The following LCT variants were observed in gnomAD, a reference collection of about 807,000 sequenced individuals.
LCT encodes the protein lactase/phlorizin hydrolase.
LCT carries 90 observed loss-of-function variants against 173.0 expected under a neutral mutation model. That is an observed-to-expected ratio of 0.52 (90% CI 0.44 to 0.62). The LOEUF is 0.62. LCT is among the 20% of genes least tolerant of loss of function. LCT has a pLI of 0.00. For synonymous variants in LCT, 853 were observed against 957.6 expected (o/e 0.89, Z 2.02); for missense variants, 1,864 against 2,431.4 (o/e 0.77, Z 4.91).
intron 7 of LCT, among the ~76,000 whole-genome samples, chr2:135,811,860 CTGTT>C (rs1461654513): frequency 1.3e-5 from 2 of 151,482 alleles, no homozygotes; most frequent in African/African-American, 2.4e-5. Context: ...AGTGAGAAGA[CTGTT>C]TGAGCCCAGG....
At chr2:135,828,021 C>CTTTTAT (rs1174082401) in intron 3 of LCT, among the ~76,000 whole-genome samples, 14 of 151,942 alleles carry the variant, frequency 9.2e-5, no homozygotes, top group Non-Finnish European at 1.5e-4. Flanking sequence ...TGAGCTTGGC[C>CTTTTAT]TTTTATTTTT....
chr2:135,830,971 T>C (rs935823401), intron 2 of LCT, among the ~76,000 whole-genome samples: 2 of 152,234 alleles, frequency 1.3e-5, no homozygotes, highest in African/African-American at 4.8e-5. Context: ...TTAGAAGTGC[T>C]GTAAGAAGCC....
rs368308800 is a variant in LCT, at chr2:135,837,081, G to A, written c.89C>T (p.Ser30Phe). 8.0e-5 allele frequency: 129 copies of A among 1,613,898 alleles called. No homozygotes were observed. The highest frequency in any genetic ancestry group is 3.3e-4 in the Middle Eastern group (2 of 6,084). ...GTCATTGGTTAGAGGACCAGCGGTG[G>A]AAATGAAATTTCTATCAGACTCCCA... is the stretch of plus-strand genomic sequence containing the variant. ...SDWESDRNFI[S>F]TAGPLTNDLL... The change falls in exon 1 of 17, where the codon TCC (serine) becomes TTC (phenylalanine). Residue 30 changes from serine (S) to phenylalanine (F), a missense_variant. Around this residue, in one of 4 missense-constraint regions of LCT, gnomAD observed 412 missense variants for 462.0 expected, o/e 0.89. Transcript: ENST00000264162.
At chr2:135,799,186 GT>G (rs1447021680) in intron 12 of LCT, among the ~76,000 whole-genome samples, 1 of 152,128 alleles carries the variant, frequency 6.6e-6, no homozygotes, top group Non-Finnish European at 1.5e-5. Flanking sequence ...GACTATCTTT[GT>G]CAAGTTCTCT....
At position 135,808,993 on chromosome 2, in the gene LCT, C is replaced by T; in HGVS notation, c.3354G>A (p.Gly1118=). The change falls in exon 8 of 17, where the codon GGG becomes GGA. Residue 1118 remains glycine, a synonymous_variant. Transcript: ENST00000264162. ...YDEKYRQEQK[G]VISLSLSTHW... The stretch of plus-strand genomic sequence containing the variant: ...GTGTACTGAGGCTCAGCGAGATGAC[C>T]CCCTTCTGCTCCTGCCTGTATTTCT... 1 of 1,611,182 alleles carries T rather than the reference C, an allele frequency of 6.2e-7. No individual in the cohort carries two copies. The highest frequency in any genetic ancestry group is 8.5e-7 in the Non-Finnish European group (1 of 1,177,956).
rs1317670038 is a variant in LCT, at chr2:135,807,367, C to A, written c.3934G>T (p.Gly1312Trp). The A allele has an allele frequency of 6.2e-7, 1 of 1,614,164 alleles. No homozygotes were observed. The highest frequency in any genetic ancestry group is 1.7e-5 in the Admixed American group (1 of 60,026). Residue 1312 changes from glycine (G) to tryptophan (W), a missense_variant, in exon 9 of 17, where the codon GGG (glycine) becomes TGG (tryptophan). Physicochemically the swap from Gly to Trp is radical, Grantham distance 184. This residue lies in a region of LCT where 755 missense variants were observed against 926.3 expected (regional missense o/e 0.82). Coordinates refer to ENST00000264162, the MANE Select transcript of LCT (RefSeq NM_002299.4). ...AYRLDGIDLR[G>W]YVAWSLMDNF... ...TCCATCAGAGACCAGGCGACATACC[C>A]TCGAAGGTCTATACCATCGAGCCTG... is the stretch of plus-strand genomic sequence containing the variant.
rs1289025611 is a variant in LCT at position 135,788,360 on chromosome 2, T to G, written c.5748A>C (p.Arg1916=). 1.9e-6 allele frequency: 3 copies of G among 1,614,010 alleles called. No homozygotes were observed. Among genetic ancestry groups the G allele is most frequent in the African/African-American group, 1.3e-5 (1 of 74,926 alleles). ...CKRSKQGKTQ[R]SQQELSPVSS... is the part of the protein sequence containing the mutation. ...ACACCGGGCTCAATTCCTGTTGGCTTCGTTGTGTTTTCCCTTGCTTAGAGC... is the reference window on the plus strand; with the variant it reads ...ACACCGGGCTCAATTCCTGTTGGCTGCGTTGTGTTTTCCCTTGCTTAGAGC... Residue 1916 remains arginine, a synonymous_variant, in exon 17 of 17, where the codon CGA becomes CGC. Coordinates refer to ENST00000264162, the MANE Select transcript of LCT (RefSeq NM_002299.4).
chr2:135,836,007 T>TATATATATATATAC lies in LCT; in HGVS notation c.640+522_640+523insGTATATATATATAT. Among the ~76,000 whole-genome samples, 2 of 18,074 alleles carry TATATATATATATAC rather than the reference T, an allele frequency of 1.1e-4. 1 individual carries two copies. Among genetic ancestry groups the TATATATATATATAC allele is most frequent in the South Asian group, 4.0e-3 (2 of 504 alleles). 11.9% of individuals were successfully genotyped at this position (18,074 alleles called of 152,430 possible). ...ATATATATATATATATATATATATA[T>TATATATATATATAC]ATATATATGTATACATATTTTTTTT... On this transcript the variant is annotated intron_variant, in intron 1 of 16. Transcript: ENST00000264162.
chr2:135,809,869 G>A lies in LCT; in HGVS notation c.2478C>T (p.Ser826=). The A allele has an allele frequency of 6.2e-7, 1 of 1,614,198 alleles. No individual in the cohort carries two copies. The highest frequency in any genetic ancestry group is 8.5e-7 in the Non-Finnish European group (1 of 1,180,022). Residue 826 remains serine, a synonymous_variant, in exon 8 of 17, where the codon AGC becomes AGT. Transcript: ENST00000264162. This position sits in a 1 kb window ranked among gnomAD's most constrained non-coding sequence, Gnocchi z 5.5. ...CAGATTTCCTGGGAGTCCTTGACTTGCTGCTGTCGCTGAAGTTGACGTGGT... is the reference window on the plus strand; with the variant it reads ...CAGATTTCCTGGGAGTCCTTGACTTACTGCTGTCGCTGAAGTTGACGTGGT... ...GLHHVNFSDS[S]KSRTPRKSAY... is the part of the protein sequence containing the mutation.
Position 135,818,059 on chromosome 2 carries a change from A to G in LCT, c.989T>C (p.Met330Thr). 1 of 1,613,256 alleles carries G rather than the reference A, an allele frequency of 6.2e-7. No homozygotes were observed. The highest frequency in any genetic ancestry group is 8.5e-7 in the Non-Finnish European group (1 of 1,180,016). The stretch of plus-strand genomic sequence containing the variant: ...CAGGCTGCCAGTCAGAGAACAAGAC[A>G]TGCTGCAGGATTGAAGGGACAAAAA... The part of the protein sequence containing the change: ...LSCSSSSKKS[M>T]SCSLTGSLAL... The change falls in exon 6 of 17, where the codon ATG (methionine) becomes ACG (threonine). Residue 330 changes from methionine (M) to threonine (T), a missense_variant and splice_region_variant. This residue lies in a region of LCT where 412 missense variants were observed against 462.0 expected (regional missense o/e 0.89). Transcript: ENST00000264162.
At chr2:135,810,174 A>G in intron 7 of LCT, 181 bp from the exon 8 acceptor site, 1 of 603,044 alleles carries the variant, frequency 1.7e-6, no homozygotes, top group South Asian at 2.1e-5. Context: ...TCTTTTAAAG[A>G]CTAGTCAGTG....
At chr2:135,799,838 G>T (rs1487354513) in intron 12 of LCT, among the ~76,000 whole-genome samples, 1 of 152,182 alleles carries the variant, frequency 6.6e-6, no homozygotes, top group African/African-American at 2.4e-5. Flanking sequence ...CAAATTAGGG[G>T]CACTAATGAG....
rs143975097 is a variant in LCT at position 135,809,449 on chromosome 2, G to C, written c.2898C>G (p.Leu966=). ...GGTAGGCCTTCACCTTCAAAGCTCG[G>C]AGCATATTCAGATCGGCATCCAGCT... ...YHQLDADLNM[L]RALKVKAYRF... The change falls in exon 8 of 17, where the codon CTC becomes CTG. Residue 966 remains leucine, a synonymous_variant. Coordinates refer to ENST00000264162, the MANE Select transcript of LCT (RefSeq NM_002299.4). The surrounding 1 kb of genome is among the most constrained non-coding windows in gnomAD (Gnocchi z 5.5). 6.2e-7 allele frequency: 1 copy of C among 1,614,084 alleles called. No individual in the cohort carries two copies. The highest frequency in any genetic ancestry group is 8.5e-7 in the Non-Finnish European group (1 of 1,180,042).
intron 1 of LCT, among the ~76,000 whole-genome samples, chr2:135,833,841 A>C (rs1326113353): frequency 6.6e-6 from 1 of 152,110 alleles, no homozygotes; most frequent in East Asian, 1.9e-4. Flanking sequence ...TTCTGAACAG[A>C]AATTCTACTC....
At chr2:135,829,274 C>G (rs1019591982) in intron 3 of LCT, among the ~76,000 whole-genome samples, 3 of 152,246 alleles carry the variant, frequency 2.0e-5, no homozygotes, top group African/African-American at 2.4e-5. Context: ...ACCATCACCC[C>G]CATTGATGAG....
intron 9 of LCT, among the ~76,000 whole-genome samples, chr2:135,805,664 G>A (rs1336693112): frequency 6.6e-6 from 1 of 152,274 alleles, no homozygotes; most frequent in East Asian, 1.9e-4. Flanking sequence ...GAATAAAGGG[G>A]TCCAACAGGG....
intron 11 of LCT, 57 bp downstream of exon 11, chr2:135,803,873 T>G (rs2077647074): frequency 2.7e-6 from 4 of 1,505,952 alleles, no homozygotes. Flanking sequence ...ATTTCAACTC[T>G]TGATGTGCTA....
In LCT at chr2:135,788,133, G is replaced by T. The variant is rs1282079878; in HGVS notation, c.*191C>A. 1.9e-5 allele frequency: 12 copies of T among 630,538 alleles called. No homozygotes were observed. The highest frequency in any genetic ancestry group is 3.4e-5 in the Non-Finnish European group (12 of 354,132). The allele number at this position is 630,538 out of a possible 1,614,324, so 39.1% of individuals were successfully genotyped here. A position where few individuals can be genotyped will look rare whatever the true frequency, so the allele number is the denominator to read the frequency against. Reference sequence around the variant, plus strand: ...TGCCCAAATGAACTCTGATACTGGAGCAAGATGGAGATATTTCCATTTTAC... The same window carrying T: ...TGCCCAAATGAACTCTGATACTGGATCAAGATGGAGATATTTCCATTTTAC... On this transcript the variant is annotated 3_prime_UTR_variant, in exon 17 of 17. Transcript: ENST00000264162.
chr2:135,836,058 G>A (rs1270058148), intron 1 of LCT, among the ~76,000 whole-genome samples: 15 of 136,366 alleles, frequency 1.1e-4, no homozygotes, highest in East Asian at 2.2e-4. Context: ...TTGCTCTGTC[G>A]CACAGGCTGT....
Sources: allele counts gnomAD v4.1 joint callset (sites outside exome capture counted in the v4.1 genomes callset), GRCh38; gene constraint gnomAD v4.1.1; regional missense constraint gnomAD v4.1.1; non-coding constraint Gnocchi (gnomAD v3.1); transcripts MANE v1.5; gene names NCBI Gene and HGNC (gene_info 2026-07-23, HGNC 2026-07-21).